The following PATE2 variants were observed in gnomAD, a reference collection of about 807,000 sequenced individuals.
The protein encoded by PATE2 is prostate and testis expressed 2, also known as prostate and testis expressed protein 2.
In PATE2, 7 loss-of-function variants were observed where a neutral mutation model predicts 10.5. The ratio of observed to expected loss-of-function variants is 0.66; its 90% CI spans 0.38 to 1.25. The LOEUF (loss-of-function observed/expected upper bound fraction) is 1.25, where lower values mean the gene tolerates loss of function less well. Among genes scored for constraint, PATE2 ranks in the 50% most tolerant of loss-of-function variants. PATE2 has a pLI of 0.02. For missense variants in PATE2, 133 were observed against 135.4 expected (o/e 0.98, Z 0.09); for synonymous variants, 44 against 46.9 (o/e 0.94, Z 0.25).
At chr11:125,777,586 T>C (rs1943498112) in intron 3 of PATE2, 68 bp from the exon 4 acceptor site, 1 of 1,586,884 alleles carries the variant, frequency 6.3e-7, no homozygotes, top group Non-Finnish European at 8.6e-7. Flanking sequence ...TTCCTAGGAG[T>C]AATCTGTTTT....
chr11:125,778,072 C>A, intron 2 of PATE2, 70 bp from the exon 3 acceptor site: 1 of 1,530,476 alleles, frequency 6.5e-7, no homozygotes, highest in South Asian at 1.2e-5. Context: ...GGGGGCTTCA[C>A]TACAGGACCT....
rs767683627 is a variant in PATE2 at position 125,778,050 on chromosome 11, T to C, written c.77-48A>G. The C allele has an allele frequency of 3.8e-6, 6 of 1,598,436 alleles. 1 individual carries two copies. In the South Asian group the frequency reaches 6.7e-5, roughly 18 times the overall value. ...CTTAGAGGATGCAGTCTTGAGAATATTCTCTGGGGCTGGGGGCTTCACTAC... is the reference window on the plus strand; with the variant it reads ...CTTAGAGGATGCAGTCTTGAGAATACTCTCTGGGGCTGGGGGCTTCACTAC... On this transcript the variant is annotated intron_variant, in intron 2 of 3. Coordinates refer to ENST00000358524, the MANE Select transcript of PATE2 (RefSeq NM_212555.3).
Position 125,777,255 on chromosome 11 carries a change from T to G in PATE2, c.*127A>C, listed in dbSNP as rs567639118. On this transcript the variant is annotated 3_prime_UTR_variant, in exon 4 of 4. Coordinates refer to ENST00000358524, the MANE Select transcript of PATE2 (RefSeq NM_212555.3). ...TGCGTCTCCTTATGCCTGCTTGTCT[T>G]TTCACTATGAGCTGGCTTTCTCACT... The G allele has an allele frequency of 1.8e-4, 214 of 1,186,672 alleles. 3 individuals carry two copies. The South Asian group carries it at 3.2e-3, about 18-fold the overall frequency. 73.5% of individuals were successfully genotyped at this position (1,186,672 alleles called of 1,614,324 possible).
rs484670 is a variant in PATE2 at position 125,776,391 on chromosome 11, A to G, written c.*991T>C. 0.31 allele frequency: 47,019 copies of G among 151,902 alleles called. 7,932 individuals carry two copies. Among genetic ancestry groups the G allele is most frequent in the Admixed American group, 0.44 (6,707 of 15,268 alleles). The allele number at this position is 151,902 out of a possible 1,614,324, so 9.4% of individuals were successfully genotyped here. On this transcript the variant is annotated 3_prime_UTR_variant, in exon 4 of 4. Coordinates refer to ENST00000358524, the MANE Select transcript of PATE2 (RefSeq NM_212555.3). ...TGGCCACAGGTGTGCTCCAACATCAATGCTACTCAGTTTCTCTTCCTATCT... is the reference window on the plus strand; with the variant it reads ...TGGCCACAGGTGTGCTCCAACATCAGTGCTACTCAGTTTCTCTTCCTATCT...
chr11:125,778,129 G>T, intron 2 of PATE2, 127 bp from the exon 3 acceptor site: 2 of 967,260 alleles, frequency 2.1e-6, no homozygotes, highest in Non-Finnish European at 3.1e-6. Flanking sequence ...ATGGACTCTT[G>T]GTAATCTTGA....
chr11:125,777,455 A>G lies in PATE2; in HGVS notation c.269T>C (p.Leu90Pro), dbSNP rs151022732. ...CMTSCEDINFLGFTKRVELIC... is the reference protein window; with the variant it reads ...CMTSCEDINFPGFTKRVELIC... Reference sequence around the variant, plus strand: ...GAGCTCTACCCTCTTCGTGAACCCCAGGAAGTTGATGTCCTCACAGCTGGT... The same window carrying G: ...GAGCTCTACCCTCTTCGTGAACCCCGGGAAGTTGATGTCCTCACAGCTGGT... Residue 90 changes from leucine (L) to proline (P), a missense_variant, in exon 4 of 4, where the codon CTG (leucine) becomes CCG (proline). Transcript: ENST00000358524. The G allele has an allele frequency of 1.2e-6, 2 of 1,613,652 alleles. No homozygotes were observed. Among genetic ancestry groups the G allele is most frequent in the African/African-American group, 2.7e-5 (2 of 74,890 alleles).
intron 3 of PATE2, 138 bp from the exon 4 acceptor site, chr11:125,777,656 G>T: frequency 8.2e-7 from 1 of 1,222,172 alleles, no homozygotes; most frequent in Non-Finnish European, 1.1e-6. Context: ...TCTGTTAATT[G>T]CTGACCCAGA....
chr11:125,777,451 C>T lies in PATE2; in HGVS notation c.273G>A (p.Gly91=), dbSNP rs1371604289. Residue 91 remains glycine (G), a synonymous_variant, in exon 4 of 4, where the codon GGG becomes GGA. Transcript: ENST00000358524. ...MTSCEDINFL[G]FTKRVELICC... ...AGATGAGCTCTACCCTCTTCGTGAA[C>T]CCCAGGAAGTTGATGTCCTCACAGC... 6.2e-7 allele frequency: 1 copy of T among 1,613,510 alleles called. No individual in the cohort carries two copies. The highest frequency in any genetic ancestry group is 2.2e-5 in the East Asian group (1 of 44,872).
rs755454551 is a variant in PATE2, at chr11:125,778,817, T to A, written c.-44A>T. ...TGCAGCTTCCTGTGGAAGGAGCAAG[T>A]TGTTCTCTTGTGATCTGTCCTTGGG... On this transcript the variant is annotated 5_prime_UTR_variant, in exon 1 of 4. Coordinates refer to ENST00000358524, the MANE Select transcript of PATE2 (RefSeq NM_212555.3). 6.2e-7 allele frequency: 1 copy of A among 1,603,932 alleles called. No homozygotes were observed. Among genetic ancestry groups the A allele is most frequent in the Admixed American group, 1.7e-5 (1 of 59,580 alleles).
At chr11:125,777,577 T>G in intron 3 of PATE2, 59 bp from the exon 4 acceptor site, 1 of 1,596,940 alleles carries the variant, frequency 6.3e-7, no homozygotes, top group South Asian at 1.1e-5. Flanking sequence ...TTTACTGCGT[T>G]CCTAGGAGTA....
intron 2 of PATE2, among the ~76,000 whole-genome samples, chr11:125,778,268 T>C (rs1348719534): frequency 6.6e-6 from 1 of 152,152 alleles, no homozygotes; most frequent in Non-Finnish European, 1.5e-5. Flanking sequence ...CTGTATATGA[T>C]TTCAGGAGGT....
Position 125,777,083 on chromosome 11 carries a change from T to G in PATE2, c.*299A>C. On this transcript the variant is annotated 3_prime_UTR_variant, in exon 4 of 4. Transcript: ENST00000358524. ...TATTATGGCCCAAGTGTTCACATTT[T>G]CATACAGGAGATAATAAATGACCAA... 1 of 271,462 alleles carries G rather than the reference T, an allele frequency of 3.7e-6. No homozygotes were observed. Among genetic ancestry groups the G allele is most frequent in the Non-Finnish European group, 7.1e-6 (1 of 141,758 alleles). The allele number at this position is 271,462 out of a possible 1,614,324, so 16.8% of individuals were successfully genotyped here. A position where few individuals can be genotyped will look rare whatever the true frequency, so the allele number is the denominator to read the frequency against.
chr11:125,778,008 A>C lies in PATE2; in HGVS notation c.77-6T>G. ...ATAACACATTATTTCAGTCGCTGCCAGATACAAAAAGAGGTGCTTAGAGGA... is the reference window on the plus strand; with the variant it reads ...ATAACACATTATTTCAGTCGCTGCCCGATACAAAAAGAGGTGCTTAGAGGA... On this transcript the variant is annotated splice_region_variant and splice_polypyrimidine_tract_variant and intron_variant, in intron 2 of 3. Coordinates refer to ENST00000358524, the MANE Select transcript of PATE2 (RefSeq NM_212555.3). The C allele has an allele frequency of 6.2e-6, 10 of 1,612,184 alleles. No individual in the cohort carries two copies. Among genetic ancestry groups the C allele is most frequent in the Non-Finnish European group, 8.5e-6 (10 of 1,179,244 alleles).
rs776086580 is a variant in PATE2 at position 125,777,876 on chromosome 11, T to C, written c.203A>G (p.Lys68Arg). ...AGTCACTCTATACTCCACATTACCT[T>C]TCCTTGTAAGGATGTAAAAGTTCTC... is the stretch of plus-strand genomic sequence containing the variant. Reference protein sequence around the residue: ...AVENFYILTRKGQSMYHYSKL... With the variant: ...AVENFYILTRRGQSMYHYSKL... The change falls in exon 3 of 4, where the codon AAA becomes AGA. Residue 68 changes from lysine (K) to arginine (R), a missense_variant and splice_region_variant. Lys to Arg is a conservative substitution (Grantham distance 26). Coordinates refer to ENST00000358524, the MANE Select transcript of PATE2 (RefSeq NM_212555.3). 5.0e-6 allele frequency: 8 copies of C among 1,613,070 alleles called. No individual in the cohort carries two copies. Among genetic ancestry groups the C allele is most frequent in the Non-Finnish European group, 5.1e-6 (6 of 1,179,456 alleles).
intron 1 of PATE2, 62 bp from the exon 2 acceptor site, chr11:125,778,637 A>C: frequency 6.2e-7 from 1 of 1,611,836 alleles, no homozygotes; most frequent in South Asian, 1.1e-5. Flanking sequence ...CTGCCCCAAG[A>C]GCCAATTTTG....
rs1336774695 is a variant in PATE2, at chr11:125,778,541, C to T, written c.76+11G>A. 1 of 1,613,128 alleles carries T rather than the reference C, an allele frequency of 6.2e-7. No individual in the cohort carries two copies. The highest frequency in any genetic ancestry group is 8.5e-7 in the Non-Finnish European group (1 of 1,179,456). ...TGTTTACCAAGGACTTCAGAGAAGC[C>T]ATGATTGTACCTTTTATAGGGTCAT... On this transcript the variant is annotated intron_variant, in intron 2 of 3. Coordinates refer to ENST00000358524, the MANE Select transcript of PATE2 (RefSeq NM_212555.3).
chr11:125,777,000 G>A lies in PATE2; in HGVS notation c.*382C>T, dbSNP rs1440855538. On this transcript the variant is annotated 3_prime_UTR_variant, in exon 4 of 4. Transcript: ENST00000358524. The stretch of plus-strand genomic sequence containing the variant: ...CCAAAGAGAATTCCAACGGAGAGGA[G>A]TGTGTGTGTAGATGAGGATAGAGGA... The A allele has an allele frequency of 1.8e-5, 3 of 168,748 alleles. No homozygotes were observed. The highest frequency in any genetic ancestry group is 7.1e-5 in the African/African-American group (3 of 42,066). The allele number at this position is 168,748 out of a possible 1,614,324, so 10.5% of individuals were successfully genotyped here.
chr11:125,777,649 G>A (rs1565420689), intron 3 of PATE2, 131 bp from the exon 4 acceptor site: 3 of 1,249,150 alleles, frequency 2.4e-6, no homozygotes, highest in Non-Finnish European at 3.3e-6. Flanking sequence ...AGCTGAGTCT[G>A]TTAATTGCTG....
chr11:125,777,767 C>A lies in PATE2; in HGVS notation c.205+107G>T, dbSNP rs1174282166. The A allele has an allele frequency of 5.0e-6, 7 of 1,395,334 alleles. No individual in the cohort carries two copies. The African/African-American group carries it at 8.6e-5, about 17-fold the overall frequency. 86.4% of individuals were successfully genotyped at this position (1,395,334 alleles called of 1,614,324 possible). The stretch of plus-strand genomic sequence containing the variant: ...TCTTTGCCATCCCCTCAAGACCACC[C>A]CATACTCACCCATCCCATTCACCTA... On this transcript the variant is annotated intron_variant, in intron 3 of 3. Transcript: ENST00000358524.
Sources: gnomAD v4.1 joint callset for allele counts (sites outside exome capture counted in the v4.1 genomes callset) on GRCh38, gnomAD v4.1.1 for gene constraint, MANE v1.5 for transcripts, NCBI Gene and HGNC (gene_info 2026-07-23, HGNC 2026-07-21) for gene names.